The following HAVCR2 variants were observed in gnomAD, a reference collection of about 807,000 sequenced individuals.
The protein encoded by HAVCR2 is T cell immunoglobulin mucin 3.
HAVCR2 carries 13 observed loss-of-function variants against 24.7 expected under a neutral mutation model. That is an observed-to-expected ratio of 0.53 (90% CI 0.34 to 0.84). The LOEUF (loss-of-function observed/expected upper bound fraction) is 0.84, where lower values mean the gene tolerates loss of function less well. Among genes scored for constraint, HAVCR2 ranks in the 40% least tolerant of loss-of-function variants. The pLI is 0.01. For synonymous variants in HAVCR2, 154 were observed against 143.4 expected (o/e 1.07, Z -0.53); for missense variants, 343 against 371.2 (o/e 0.92, Z 0.62).
chr5:157,088,851 G>T, intron 6 of HAVCR2, 90 bp downstream of exon 6: 1 of 1,129,064 alleles, frequency 8.9e-7, no homozygotes, highest in South Asian at 1.3e-5. Flanking sequence ...AAAGCCCCAG[G>T]ACAGGATTTC....
In HAVCR2 at chr5:157,088,968, T is replaced by C; in HGVS notation, c.686A>G (p.His229Arg). ...TAAATTCTGTATCTTCTCTTTGCTA[T>C]GAGAATACCCTAGTAAGGGGGAAAC... ...FGALIFKWYS[H>R]SKEKIQNLSL... The change falls in exon 6 of 7, where the codon CAT (histidine) becomes CGT (arginine). Residue 229 changes from histidine to arginine, a missense_variant. By Grantham distance (29) the His-to-Arg change is conservative. Coordinates refer to ENST00000307851, the MANE Select transcript of HAVCR2 (RefSeq NM_032782.5). 6.2e-7 allele frequency: 1 copy of C among 1,608,188 alleles called. No homozygotes were observed. Among genetic ancestry groups the C allele is most frequent in the Non-Finnish European group, 8.5e-7 (1 of 1,177,536 alleles).
At position 157,096,086 on chromosome 5, in the gene HAVCR2, C is replaced by A. The variant is rs562051495; in HGVS notation, c.523-627G>T. On this transcript the variant is annotated intron_variant, in intron 4 of 6. Coordinates refer to ENST00000307851, the MANE Select transcript of HAVCR2 (RefSeq NM_032782.5). The stretch of plus-strand genomic sequence containing the variant: ...ACTAAAAATACAAAACTTAGCCAGG[C>A]GTGGTAACACATGCCTGTAATCCTA... 4.6e-5 allele frequency among the ~76,000 whole-genome samples: 7 copies of A among 151,762 alleles called. No individual in the cohort carries two copies. In the South Asian group the frequency reaches 1.3e-3, roughly 27 times the overall value.
chr5:157,088,643 TC>T (rs1756950252), intron 6 of HAVCR2, among the ~76,000 whole-genome samples: 2 of 152,172 alleles, frequency 1.3e-5, no homozygotes, highest in African/African-American at 2.4e-5. Flanking sequence ...AGGAGCTCAA[TC>T]CGTTGATGTT....
rs556443053 is a variant in HAVCR2, at chr5:157,092,878, C to CAAAAAAAAAAAAAAAAAAAAAAAA, written c.676+2404_676+2427dup. On this transcript the variant is annotated intron_variant, in intron 5 of 6. Transcript: ENST00000307851. The stretch of plus-strand genomic sequence containing the variant: ...CAACATGGCAAAACCCTGTCTCTAC[C>CAAAAAAAAAAAAAAAAAAAAAAAA]AAAAAAAAAAAAAAAAAAAAAAAAA... 1.1e-4 allele frequency among the ~76,000 whole-genome samples: 5 copies of CAAAAAAAAAAAAAAAAAAAAAAAA among 44,044 alleles called. 1 individual carries two copies. Among genetic ancestry groups the CAAAAAAAAAAAAAAAAAAAAAAAA allele is most frequent in the African/African-American group, 1.6e-4 (2 of 12,176 alleles). The allele number at this position is 44,044 out of a possible 152,430, so 28.9% of individuals were successfully genotyped here.
At chr5:157,095,200 CT>C (rs551267016) in intron 5 of HAVCR2, 105 bp downstream of exon 5, 26 of 1,196,710 alleles carry the variant, frequency 2.2e-5, no homozygotes, top group Non-Finnish European at 3.0e-5. Flanking sequence ...GGTATTTAGT[CT>C]AATCATCTTT....
At chr5:157,096,383 T>C (rs1757094628) in intron 4 of HAVCR2, among the ~76,000 whole-genome samples, 1 of 152,206 alleles carries the variant, frequency 6.6e-6, no homozygotes, top group Non-Finnish European at 1.5e-5. Flanking sequence ...CTATTATTGC[T>C]ATTGCTCTAG....
Position 157,095,307 on chromosome 5 carries a change from T to G in HAVCR2, c.675A>C (p.Lys225Asn). The G allele has an allele frequency of 1.2e-6, 2 of 1,613,254 alleles. No individual in the cohort carries two copies. Among genetic ancestry groups the G allele is most frequent in the Non-Finnish European group, 1.7e-6 (2 of 1,179,740 alleles). ...GGAGAGAGAAACAAAAACACTTACA[T>G]TTGAAAATTAAAGCGCCGAAGATAA... ...LALIFGALIF[K>N]WYSHSKEKIQ... is the part of the protein sequence containing the mutation. The change falls in exon 5 of 7, where the codon AAA (lysine) becomes AAC (asparagine). Residue 225 changes from lysine (K) to asparagine (N), a missense_variant and splice_region_variant. Coordinates refer to ENST00000307851, the MANE Select transcript of HAVCR2 (RefSeq NM_032782.5).
At chr5:157,108,862 T>C in intron 1 of HAVCR2, 64 bp downstream of exon 1, 1 of 1,494,992 alleles carries the variant, frequency 6.7e-7, no homozygotes. Flanking sequence ...GCCATCCTTG[T>C]ATCTCTCCCT....
In HAVCR2 at chr5:157,101,623, G is replaced by C. The variant is rs533344933; in HGVS notation, c.479-2722C>G. On this transcript the variant is annotated intron_variant, in intron 3 of 6. Transcript: ENST00000307851. ...CCCAAGATCACACAGCTATTAATTG[G>C]GAAAGCTAGGATTTAAAGCAGATCT... 3.9e-5 allele frequency among the ~76,000 whole-genome samples: 6 copies of C among 152,024 alleles called. 1 individual carries two copies. The South Asian group carries it at 1.2e-3, about 32-fold the overall frequency.
At chr5:157,106,334 G>A (rs1757251436) in intron 2 of HAVCR2, 2 of 329,080 alleles carry the variant, frequency 6.1e-6, no homozygotes, top group East Asian at 1.3e-4. Context: ...GTTTTACTAT[G>A]TTGGCCAGGC....
intron 3 of HAVCR2, among the ~76,000 whole-genome samples, chr5:157,101,738 C>T (rs1057172571): frequency 1.3e-5 from 2 of 151,546 alleles, no homozygotes; most frequent in African/African-American, 2.4e-5. Flanking sequence ...AATTCCAGGC[C>T]CTTGGATCTC....
intron 1 of HAVCR2, 96 bp from the exon 2 acceptor site, chr5:157,107,058 A>G: frequency 1.0e-6 from 1 of 974,810 alleles, no homozygotes; most frequent in Non-Finnish European, 1.5e-6. Context: ...AATAAAGAGG[A>G]AGCTACTGCT....
intron 3 of HAVCR2, among the ~76,000 whole-genome samples, chr5:157,102,093 TGACCAGC>T (rs1757175896): frequency 6.6e-6 from 1 of 151,916 alleles, no homozygotes; most frequent in Non-Finnish European, 1.5e-5. Context: ...TGCACCACCA[TGACCAGC>T]TAATTTTTGT....
chr5:157,104,564 C>T, intron 3 of HAVCR2, 102 bp downstream of exon 3: 1 of 741,238 alleles, frequency 1.3e-6, no homozygotes, highest in Non-Finnish European at 2.3e-6. Flanking sequence ...GATATCCATG[C>T]CTCCACTCTC....
intron 2 of HAVCR2, 56 bp from the exon 3 acceptor site, chr5:157,104,805 C>G: frequency 7.7e-7 from 1 of 1,293,502 alleles, no homozygotes; most frequent in Non-Finnish European, 1.1e-6. Flanking sequence ...AAGCTTATTT[C>G]AGGGAATCAA....
intron 5 of HAVCR2, among the ~76,000 whole-genome samples, chr5:157,089,477 G>A (rs553652071): frequency 7.9e-5 from 12 of 151,792 alleles, no homozygotes; most frequent in African/African-American, 2.4e-4. Context: ...CGGAGGTTGC[G>A]GTGAGCCAAG....
intron 6 of HAVCR2, 117 bp downstream of exon 6, chr5:157,088,824 G>A (rs1320525527): frequency 3.5e-6 from 3 of 859,922 alleles, no homozygotes; most frequent in African/African-American, 1.7e-5. Flanking sequence ...AAAGAAGGAA[G>A]TATAAACTCA....
rs1166177328 is a variant in HAVCR2 at position 157,096,957 on chromosome 5, CACACACAT to C, written c.523-1506_523-1499del. Among the ~76,000 whole-genome samples the C allele has an allele frequency of 8.4e-4, 123 of 146,690 alleles. 1 individual carries two copies. The highest frequency in any genetic ancestry group is 3.1e-3 in the African/African-American group (115 of 37,262). ...ACACACACACACACACACACACACA[CACACACAT>C]ATAATTATAAGCATTTTTAAAACAA... On this transcript the variant is annotated intron_variant, in intron 4 of 6. Coordinates refer to ENST00000307851, the MANE Select transcript of HAVCR2 (RefSeq NM_032782.5).
intron 2 of HAVCR2, among the ~76,000 whole-genome samples, chr5:157,105,228 C>G (rs1757230402): frequency 6.6e-6 from 1 of 152,002 alleles, no homozygotes; most frequent in African/African-American, 2.4e-5. Context: ...CCACACCTGG[C>G]TAATTTTGTA....
Sources: gnomAD v4.1 joint callset for allele counts (sites outside exome capture counted in the v4.1 genomes callset) on GRCh38, gnomAD v4.1.1 for gene constraint, MANE v1.5 for transcripts, NCBI Gene and HGNC (gene_info 2026-07-23, HGNC 2026-07-21) for gene names.